Variants in PCDH15 observed in about 807,000 individuals in gnomAD.
PCDH15 encodes the protein protocadherin-15.
PCDH15 carries 129 observed loss-of-function variants against 178.5 expected under a neutral mutation model. That is an observed-to-expected ratio of 0.72 (90% CI 0.63 to 0.84). The LOEUF is 0.84. PCDH15 is among the 40% of genes least tolerant of loss of function. The probability of loss-of-function intolerance (pLI) is 0.00; values close to 1 mark genes in which losing one functional copy is unlikely to be tolerated. For missense variants in PCDH15, 2,230 were observed against 2,099.9 expected, an observed-to-expected ratio of 1.06 and a Z score of -1.21; for synonymous variants, 800 against 732.0, an observed-to-expected ratio of 1.09 and a Z score of -1.50.
chr10:54,506,364 G>A (rs991337727), intron 3 of PCDH15, among the ~76,000 whole-genome samples: 3 of 151,740 alleles, frequency 2.0e-5, no homozygotes, highest in Non-Finnish European at 4.4e-5. Flanking sequence ...GAATACTAAG[G>A]ACTAAAAAAT....
At chr10:54,723,528 A>G (rs1217236959) in intron 1 of PCDH15, among the ~76,000 whole-genome samples, 1 of 151,854 alleles carries the variant, frequency 6.6e-6, no homozygotes, top group Non-Finnish European at 1.5e-5. Context: ...AAATGCAACA[A>G]AAACAAAATA....
intron 2 of PCDH15, among the ~76,000 whole-genome samples, chr10:54,655,354 C>G (rs891336461): frequency 1.0e-4 from 14 of 140,478 alleles, no homozygotes; most frequent in Admixed American, 1.5e-4. Context: ...GAAAGAACAT[C>G]TGAGCACCAA....
At chr10:55,587,957 C>T (rs1456414306) in intron 2 of PCDH15, among the ~76,000 whole-genome samples, 1 of 152,030 alleles carries the variant, frequency 6.6e-6, no homozygotes, top group Admixed American at 6.6e-5. Flanking sequence ...GCAAATGAAC[C>T]GCTTTGGTTT....
chr10:54,483,172 A>T (rs2078844578), intron 3 of PCDH15, among the ~76,000 whole-genome samples: 1 of 151,906 alleles, frequency 6.6e-6, no homozygotes, highest in Admixed American at 6.6e-5. Context: ...ATAATTAAAA[A>T]TTATTCTTGA....
At chr10:55,306,518 C>G (rs1019906960) in intron 1 of PCDH15, among the ~76,000 whole-genome samples, 1 of 152,038 alleles carries the variant, frequency 6.6e-6, no homozygotes, top group African/African-American at 2.4e-5. Context: ...ATTGAGACAA[C>G]GGCAGTAAAA....
At chr10:54,263,507 G>C (rs1470292477) in intron 8 of PCDH15, among the ~76,000 whole-genome samples, 1 of 152,114 alleles carries the variant, frequency 6.6e-6, no homozygotes, top group African/African-American at 2.4e-5. Flanking sequence ...CATGCACCAA[G>C]ACCCCACCTG....
At chr10:54,181,765 G>A (rs111296563) in intron 13 of PCDH15, among the ~76,000 whole-genome samples, 3 of 152,042 alleles carry the variant, frequency 2.0e-5, no homozygotes, top group Non-Finnish European at 2.9e-5. Flanking sequence ...AGTTTGAAAC[G>A]TTTTTTCTCT....
At chr10:55,057,436 A>G (rs566044446) in intron 2 of PCDH15, among the ~76,000 whole-genome samples, 1 of 152,256 alleles carries the variant, frequency 6.6e-6, no homozygotes, top group Non-Finnish European at 1.5e-5. Flanking sequence ...AGTTATTAAT[A>G]AGGTTGAATA....
chr10:55,263,239 C>T (rs1347576157), intron 1 of PCDH15, among the ~76,000 whole-genome samples: 1 of 152,178 alleles, frequency 6.6e-6, no homozygotes, highest in Admixed American at 6.5e-5. Context: ...TAAAAACTCC[C>T]AGACTTCACC....
chr10:55,386,356 C>T (rs1246344423), intron 2 of PCDH15, among the ~76,000 whole-genome samples: 2 of 151,756 alleles, frequency 1.3e-5, no homozygotes, highest in African/African-American at 2.4e-5. Flanking sequence ...GTATTAATTT[C>T]CTTAATATTT....
chr10:54,646,850 G>A (rs1371346689), intron 2 of PCDH15, among the ~76,000 whole-genome samples: 1 of 152,048 alleles, frequency 6.6e-6, no homozygotes, highest in Non-Finnish European at 1.5e-5. Context: ...ACAAGTGTTG[G>A]CAAGGATGTG....
intron 2 of PCDH15, among the ~76,000 whole-genome samples, chr10:55,020,541 T>G (rs1840300342): frequency 6.6e-6 from 1 of 152,158 alleles, no homozygotes; most frequent in Non-Finnish European, 1.5e-5. Flanking sequence ...GGGATTTATT[T>G]GTTAATCTAT....
At position 54,747,419 on chromosome 10, in the gene PCDH15, AC is replaced by A. The variant is rs1429093911; in HGVS notation, c.-29+53505del. Reference sequence around the variant, plus strand: ...AATAAATAGGTGAACTAATTAATCAACCAGTGATGTTTTCAGTTAGAATTCC... The same window carrying A: ...AATAAATAGGTGAACTAATTAATCAACAGTGATGTTTTCAGTTAGAATTCC... On this transcript the variant is annotated intron_variant, in intron 1 of 37. Coordinates refer to ENST00000644397, the MANE Select transcript of PCDH15 (RefSeq NM_001384140.1). 3.9e-5 allele frequency among the ~76,000 whole-genome samples: 6 copies of A among 152,322 alleles called. No homozygotes were observed. The East Asian group carries it at 1.2e-3, about 29-fold the overall frequency.
At chr10:54,845,009 T>C (rs935961114) in intron 3 of PCDH15, among the ~76,000 whole-genome samples, 2 of 152,114 alleles carry the variant, frequency 1.3e-5, no homozygotes, top group Non-Finnish European at 2.9e-5. Context: ...TTCTTTTTAA[T>C]GAAAAATCAT....
chr10:54,916,460 T>C (rs990440402), intron 2 of PCDH15, among the ~76,000 whole-genome samples: 1 of 152,212 alleles, frequency 6.6e-6, no homozygotes, highest in African/African-American at 2.4e-5. Flanking sequence ...ATCTGGTATC[T>C]GTCTGAATAG....
chr10:55,425,215 T>G (rs926320754), intron 2 of PCDH15, among the ~76,000 whole-genome samples: 2 of 151,936 alleles, frequency 1.3e-5, no homozygotes, highest in Non-Finnish European at 2.9e-5. Context: ...ATTTATTATG[T>G]GACTCCATTA....
intron 2 of PCDH15, among the ~76,000 whole-genome samples, chr10:55,585,333 A>C (rs1403910630): frequency 6.6e-6 from 1 of 152,140 alleles, no homozygotes; most frequent in Non-Finnish European, 1.5e-5. Flanking sequence ...AACACTATAA[A>C]CACTTTTTCA....
intron 2 of PCDH15, among the ~76,000 whole-genome samples, chr10:54,646,081 T>C (rs914111773): frequency 6.6e-6 from 1 of 152,102 alleles, no homozygotes; most frequent in African/African-American, 2.4e-5. Flanking sequence ...TTTTATCGCA[T>C]GTTAATCCTC....
chr10:54,283,540 A>AGAT (rs894509795), intron 8 of PCDH15, among the ~76,000 whole-genome samples: 3 of 152,152 alleles, frequency 2.0e-5, no homozygotes, highest in African/African-American at 7.2e-5. Flanking sequence ...CTAGCTAGCT[A>AGAT]GATAGATATA....
Sources: gnomAD v4.1 joint callset for allele counts (sites outside exome capture counted in the v4.1 genomes callset) on GRCh38, gnomAD v4.1.1 for gene constraint, MANE v1.5 for transcripts, NCBI Gene and HGNC (gene_info 2026-07-23, HGNC 2026-07-21) for gene names.